The following PCCA variants were observed in gnomAD, a reference collection of about 807,000 sequenced individuals.
The protein encoded by PCCA is propionyl-CoA carboxylase alpha chain, mitochondrial.
PCCA carries 74 observed loss-of-function variants against 101.3 expected under a neutral mutation model. That is an observed-to-expected ratio of 0.73 (90% CI 0.61 to 0.89). The LOEUF (loss-of-function observed/expected upper bound fraction) is 0.89, where lower values mean the gene tolerates loss of function less well. Among genes scored for constraint, PCCA ranks in the 40% least tolerant of loss-of-function variants. The probability of loss-of-function intolerance (pLI) is 0.00; values close to 1 mark genes in which losing one functional copy is unlikely to be tolerated. For missense variants in PCCA, 891 were observed against 907.0 expected, an observed-to-expected ratio of 0.98 and a Z score of 0.23; for synonymous variants, 294 against 313.6, an observed-to-expected ratio of 0.94 and a Z score of 0.66.
chr13:100,405,149 G>A (rs1223427328), intron 19 of PCCA, among the ~76,000 whole-genome samples: 1 of 152,188 alleles, frequency 6.6e-6, no homozygotes, highest in African/African-American at 2.4e-5. Flanking sequence ...ATGCTTGCTA[G>A]GATTTGGGTG....
chr13:100,361,510 G>A (rs2074592622), intron 18 of PCCA, among the ~76,000 whole-genome samples: 1 of 151,048 alleles, frequency 6.6e-6, no homozygotes, highest in African/African-American at 2.4e-5. Flanking sequence ...GCAAACCACA[G>A]AAGAGAATAC....
intron 4 of PCCA, among the ~76,000 whole-genome samples, chr13:100,124,814 T>A (rs755993317): frequency 5.3e-5 from 8 of 152,218 alleles, no homozygotes; most frequent in African/African-American, 9.7e-5. Context: ...TCTCTGTATA[T>A]ACATACACTT....
chr13:100,291,071 C>T (rs1244589318), intron 12 of PCCA, among the ~76,000 whole-genome samples: 1 of 152,176 alleles, frequency 6.6e-6, no homozygotes, highest in Non-Finnish European at 1.5e-5. Context: ...CAACAGTTTA[C>T]ATAGCATTTA....
At chr13:100,472,137 G>A (rs940699938) in intron 21 of PCCA, among the ~76,000 whole-genome samples, 1 of 152,144 alleles carries the variant, frequency 6.6e-6, no homozygotes, top group African/African-American at 2.4e-5. Context: ...AATTCCTGGC[G>A]GCTCCACCCG....
chr13:100,119,955 T>G (rs572368889), intron 4 of PCCA, among the ~76,000 whole-genome samples: 11 of 152,152 alleles, frequency 7.2e-5, no homozygotes, highest in Admixed American at 2.0e-4. Flanking sequence ...CACTGCAACC[T>G]CCATCTCCTG....
intron 4 of PCCA, among the ~76,000 whole-genome samples, chr13:100,142,507 C>T (rs1311583465): frequency 6.9e-6 from 1 of 145,270 alleles, no homozygotes; most frequent in Non-Finnish European, 1.5e-5. Flanking sequence ...TGGAGTCTTG[C>T]TCTGTCTCCC....
At chr13:100,174,339 T>G (rs2056022539) in intron 6 of PCCA, among the ~76,000 whole-genome samples, 1 of 151,542 alleles carries the variant, frequency 6.6e-6, no homozygotes, top group African/African-American at 2.4e-5. Context: ...ATGGAAAACT[T>G]AAATGTAGCC....
intron 12 of PCCA, among the ~76,000 whole-genome samples, chr13:100,298,664 CTCCCTCCCTCCTTCCTTCCT>C (rs1566891049): frequency 0.094 from 1,014 of 10,790 alleles, 219 homozygotes; most frequent in South Asian, 0.16. Context: ...CCCTCCCTCC[CTCCCTCCCTCCTTCCTTCCT>C]TCCTTCCTTC....
chr13:100,433,972 C>T (rs1308129988), intron 20 of PCCA, among the ~76,000 whole-genome samples: 1 of 152,202 alleles, frequency 6.6e-6, no homozygotes, highest in African/African-American at 2.4e-5. Context: ...GAAGAATGGG[C>T]AGCCGTGTAA....
chr13:100,216,155 A>T lies in PCCA; in HGVS notation c.600+6692A>T, dbSNP rs75457013. ...TAATCCATGGATACAGAACCCAAGG[A>T]TATAGAGGGCCAAGTGCATGTTTAG... On this transcript the variant is annotated intron_variant, in intron 7 of 23. Transcript: ENST00000376285. Among the ~76,000 whole-genome samples, 585 of 149,724 alleles carry T rather than the reference A, an allele frequency of 3.9e-3. 3 individuals are homozygous for T. Among genetic ancestry groups the T allele is most frequent in the Middle Eastern group, 0.01 (3 of 294 alleles).
chr13:100,126,654 A>G (rs1280525899), intron 4 of PCCA, among the ~76,000 whole-genome samples: 1 of 152,188 alleles, frequency 6.6e-6, no homozygotes, highest in Non-Finnish European at 1.5e-5. Context: ...TAGAAATGCT[A>G]GAAATGTATG....
At chr13:100,200,097 TTTTA>T (rs889324033) in intron 6 of PCCA, among the ~76,000 whole-genome samples, 1 of 151,932 alleles carries the variant, frequency 6.6e-6, no homozygotes. Context: ...AACTCTTTAT[TTTTA>T]TTTATTTATT....
intron 7 of PCCA, among the ~76,000 whole-genome samples, chr13:100,233,216 T>G (rs1298194224): frequency 6.6e-6 from 1 of 152,222 alleles, no homozygotes; most frequent in African/African-American, 2.4e-5. Context: ...TTTAAAAAGA[T>G]TATCCCATTT....
Position 100,120,140 on chromosome 13 carries a change from G to T in PCCA, c.300+8079G>T, listed in dbSNP as rs1364493755. On this transcript the variant is annotated intron_variant, in intron 4 of 23. Transcript: ENST00000376285. ...AGCCTCCCAAAGTGCTGGGATTACA[G>T]GTTTGAGCCACCATGCCCAGCCAGA... Among the ~76,000 whole-genome samples the T allele has an allele frequency of 2.0e-5, 3 of 151,360 alleles. No homozygotes were observed. The East Asian group carries it at 5.8e-4, about 29-fold the overall frequency.
At chr13:100,318,999 G>T (rs2067696737) in intron 16 of PCCA, among the ~76,000 whole-genome samples, 1 of 152,100 alleles carries the variant, frequency 6.6e-6, no homozygotes, top group East Asian at 1.9e-4. Context: ...AGCACCTGTT[G>T]TTTCCTGACT....
chr13:100,313,145 T>C (rs2067057420), intron 16 of PCCA, among the ~76,000 whole-genome samples: 1 of 152,122 alleles, frequency 6.6e-6, no homozygotes, highest in Non-Finnish European at 1.5e-5. Flanking sequence ...CTCTTTCCTT[T>C]CCTCCCTCCA....
chr13:100,489,807 A>G (rs1438328465), intron 21 of PCCA, among the ~76,000 whole-genome samples: 1 of 152,236 alleles, frequency 6.6e-6, no homozygotes, highest in African/African-American at 2.4e-5. Flanking sequence ...GCAGGTGAAC[A>G]AGGGAGGGGT....
At chr13:100,183,076 G>T (rs2056945274) in intron 6 of PCCA, among the ~76,000 whole-genome samples, 1 of 152,146 alleles carries the variant, frequency 6.6e-6, no homozygotes. Flanking sequence ...TAGGTTGGGG[G>T]TTGGGTACAG....
chr13:100,426,095 G>A (rs543850956), intron 20 of PCCA, among the ~76,000 whole-genome samples: 5 of 151,696 alleles, frequency 3.3e-5, no homozygotes, highest in Non-Finnish European at 7.4e-5. Flanking sequence ...TTGAAATTAC[G>A]TAGTGTTAGG....
Sources: gnomAD v4.1 joint callset for allele counts (sites outside exome capture counted in the v4.1 genomes callset) on GRCh38, gnomAD v4.1.1 for gene constraint, MANE v1.5 for transcripts, NCBI Gene and HGNC (gene_info 2026-07-23, HGNC 2026-07-21) for gene names.